TRIM5: variants seen among roughly 807,000 people sequenced by gnomAD.
TRIM5 encodes tripartite motif containing 5.
A neutral mutation model predicts 35.6 loss-of-function variants in TRIM5; 31 were observed. The observed-to-expected ratio is 0.87, with a 90% CI of 0.65 to 1.18. The LOEUF (loss-of-function observed/expected upper bound fraction) is 1.18. Among genes scored for constraint, TRIM5 ranks in the 50% most tolerant of loss-of-function variants. TRIM5 has a pLI of 0.00. For missense variants in TRIM5, 609 were observed against 591.6 expected (o/e 1.03, Z -0.31); for synonymous variants, 243 against 215.6 (o/e 1.13, Z -1.11).
chr11:5,657,140 G>T, the TRIM5 span, among the ~76,000 whole-genome samples: 1 of 152,096 alleles, frequency 6.6e-6, no homozygotes, highest in African/African-American at 2.4e-5. Flanking sequence ...TACAAAAAAG[G>T]ATGAGTTCAT....
chr11:5,620,277 T>C, the TRIM5 span, among the ~76,000 whole-genome samples: 1 of 143,694 alleles, frequency 7.0e-6, no homozygotes, highest in Non-Finnish European at 1.5e-5. Context: ...TCCTGGGTTC[T>C]ATGGATTCTC....
the TRIM5 span, chr11:5,655,834 A>T: frequency 3.4e-6 from 1 of 289,990 alleles, no homozygotes; most frequent in Non-Finnish European, 5.1e-6. Context: ...TACAGAGCAG[A>T]GGCCTCAGAA....
chr11:5,633,823 T>C, the TRIM5 span: 6 of 1,613,874 alleles, frequency 3.7e-6, no homozygotes, highest in Non-Finnish European at 5.1e-6. Context: ...CAGGCAGTCC[T>C]CAAGAGGCTG....
intron 1 of TRIM5, among the ~76,000 whole-genome samples, chr11:5,681,943 C>A (rs1441501064): frequency 6.6e-6 from 1 of 151,308 alleles, no homozygotes; most frequent in Non-Finnish European, 1.5e-5. Context: ...GGACCACAGG[C>A]ACGCACCACC....
At chr11:5,615,046 A>G in the TRIM5 span, among the ~76,000 whole-genome samples, 1 of 152,156 alleles carries the variant, frequency 6.6e-6, no homozygotes, top group East Asian at 1.9e-4. Context: ...TGAATTATTT[A>G]AAATTATATT....
At chr11:5,682,990 G>C (rs12799127) in intron 1 of TRIM5, among the ~76,000 whole-genome samples, 80,443 of 151,764 alleles carry the variant, frequency 0.53, 21,304 homozygotes, top group Non-Finnish European at 0.53. Context: ...CGCGCTTGTG[G>C]GCCAGCTGGA....
chr11:5,608,302 A>G, the TRIM5 span: 1 of 1,601,808 alleles, frequency 6.2e-7, no homozygotes, highest in Non-Finnish European at 8.5e-7. Flanking sequence ...GGTAGGGGAC[A>G]TGGAAGGAGA....
At chr11:5,640,755 GC>G in the TRIM5 span, among the ~76,000 whole-genome samples, 1 of 152,126 alleles carries the variant, frequency 6.6e-6, no homozygotes, top group South Asian at 2.1e-4. Context: ...AGCAGAATTA[GC>G]CAGTGAAGCC....
At chr11:5,682,904 C>A (rs1045288564) in intron 1 of TRIM5, among the ~76,000 whole-genome samples, 2 of 152,228 alleles carry the variant, frequency 1.3e-5, no homozygotes, top group Non-Finnish European at 2.9e-5. Context: ...CTGGGCTGGC[C>A]AAGGCCGGAG....
At chr11:5,616,020 G>C in the TRIM5 span, among the ~76,000 whole-genome samples, 1 of 145,300 alleles carries the variant, frequency 6.9e-6, no homozygotes, top group Non-Finnish European at 1.5e-5. Context: ...GCGCGATCTC[G>C]GCTCACTGCA....
chr11:5,631,931 A>C, the TRIM5 span, among the ~76,000 whole-genome samples: 1 of 152,214 alleles, frequency 6.6e-6, no homozygotes, highest in Non-Finnish European at 1.5e-5. Context: ...ATGTACACTG[A>C]ATGATGAGTT....
At chr11:5,680,382 C>T in intron 1 of TRIM5, 144 bp from the exon 2 acceptor site, 1 of 542,046 alleles carries the variant, frequency 1.8e-6, no homozygotes, top group Non-Finnish European at 3.1e-6. Context: ...TGTTTGGTTA[C>T]CTGGTAATAA....
the TRIM5 span, among the ~76,000 whole-genome samples, chr11:5,604,177 CGT>C: frequency 1.4e-4 from 18 of 131,418 alleles, no homozygotes; most frequent in South Asian, 1.6e-3. Flanking sequence ...TGTGTGTGTG[CGT>C]GTGTGTGTGT....
chr11:5,651,903 G>T, the TRIM5 span, among the ~76,000 whole-genome samples: 2 of 152,096 alleles, frequency 1.3e-5, no homozygotes, highest in African/African-American at 4.8e-5. Context: ...TAGTGATGTT[G>T]AGCATTTTTT....
the TRIM5 span, among the ~76,000 whole-genome samples, chr11:5,622,025 A>G: frequency 6.6e-6 from 1 of 152,250 alleles, no homozygotes; most frequent in Admixed American, 6.5e-5. Context: ...AACTTTCTAT[A>G]TTATCTGAGA....
the TRIM5 span, chr11:5,611,392 G>C: frequency 7.3e-7 from 1 of 1,369,732 alleles, no homozygotes; most frequent in Non-Finnish European, 1.0e-6. Context: ...AGGCTTATCA[G>C]CATGTGATTC....
rs747275145 is a variant in TRIM5, at chr11:5,665,386, G to A, written c.905C>T (p.Thr302Ile). 6 of 1,607,428 alleles carry A rather than the reference G, an allele frequency of 3.7e-6. No individual in the cohort carries two copies. The East Asian group carries it at 8.9e-5, about 24-fold the overall frequency. The change falls in exon 8 of 8, where the codon ACA becomes ATA. Residue 302 changes from threonine to isoleucine, a missense_variant. Transcript: ENST00000380034. ...TDVRRYWVDV[T>I]VAPNNISCAV... is the part of the protein sequence containing the mutation. ...ACATGAAATGTTGTTTGGAGCCACT[G>A]TCACATCAACTGTAGAAAAATTAAC...
intron 1 of TRIM5, among the ~76,000 whole-genome samples, chr11:5,681,025 G>A (rs1055975947): frequency 5.3e-5 from 8 of 152,106 alleles, no homozygotes; most frequent in African/African-American, 1.7e-4. Context: ...ACAACAGCTG[G>A]GAGGTTCTGA....
At chr11:5,631,233 C>T in the TRIM5 span, among the ~76,000 whole-genome samples, 1 of 152,192 alleles carries the variant, frequency 6.6e-6, no homozygotes, top group Non-Finnish European at 1.5e-5. Flanking sequence ...AAGACCCCCC[C>T]AGAAATTCCC....
Sources: gnomAD v4.1 joint callset for allele counts (sites outside exome capture counted in the v4.1 genomes callset) on GRCh38, gnomAD v4.1.1 for gene constraint, MANE v1.5 for transcripts, NCBI Gene and HGNC (gene_info 2026-07-23, HGNC 2026-07-21) for gene names.